ARMH1: variants seen among roughly 807,000 people sequenced by gnomAD.
The protein encoded by ARMH1 is armadillo like helical domain containing 1.
In ARMH1, 34 loss-of-function variants were observed where a neutral mutation model predicts 50.2. The ratio of observed to expected loss-of-function variants is 0.68; its 90% CI spans 0.51 to 0.90. ARMH1 has a LOEUF of 0.90. ARMH1 is among the 40% of genes least tolerant of loss of function. ARMH1 has a pLI of 0.00. For missense variants in ARMH1, 538 were observed against 553.9 expected (o/e 0.97, Z 0.29); for synonymous variants, 221 against 224.2 (o/e 0.99, Z 0.13).
chr1:44,696,454 G>A (rs1470657711), intron 2 of ARMH1, among the ~76,000 whole-genome samples: 10 of 152,198 alleles, frequency 6.6e-5, no homozygotes, highest in Non-Finnish European at 2.9e-5. Flanking sequence ...CTTTTCTGTT[G>A]TGGCTTGATT....
At chr1:44,690,075 A>G (rs1645609920) in intron 2 of ARMH1, among the ~76,000 whole-genome samples, 172 bp downstream of exon 2, 1 of 152,100 alleles carries the variant, frequency 6.6e-6, no homozygotes, top group African/African-American at 2.4e-5. Context: ...AAAATTAGCC[A>G]GGCGTGGTGG....
At position 44,704,186 on chromosome 1, in the gene ARMH1, C is replaced by G. The variant is rs1433793132; in HGVS notation, c.724+13C>G. ...GTCCAGTATGAAGGTAGGGAGCCTCCAGATTGCAGAAGGGGGCACCGAGAG... is the reference window on the plus strand; with the variant it reads ...GTCCAGTATGAAGGTAGGGAGCCTCGAGATTGCAGAAGGGGGCACCGAGAG... On this transcript the variant is annotated intron_variant, in intron 6 of 11. Transcript: ENST00000535358. 1.2e-5 allele frequency: 19 copies of G among 1,546,554 alleles called. No individual in the cohort carries two copies. In the East Asian group the frequency reaches 4.6e-4, roughly 38 times the overall value.
intron 1 of ARMH1, among the ~76,000 whole-genome samples, chr1:44,685,589 G>T (rs1645442853): frequency 6.6e-6 from 1 of 151,718 alleles, no homozygotes; most frequent in African/African-American, 2.4e-5. Flanking sequence ...GGGATTATAG[G>T]CATGAGCCAC....
At chr1:44,696,158 G>A (rs1429730344) in intron 2 of ARMH1, among the ~76,000 whole-genome samples, 2 of 152,214 alleles carry the variant, frequency 1.3e-5, no homozygotes, top group Non-Finnish European at 1.5e-5. Flanking sequence ...AGGCAGGGGA[G>A]CCTGGCTCCA....
intron 6 of ARMH1, among the ~76,000 whole-genome samples, chr1:44,715,869 G>A (rs145677224): frequency 1.3e-5 from 2 of 152,302 alleles, no homozygotes; most frequent in East Asian, 3.9e-4. Flanking sequence ...AGCCACATCT[G>A]TTTCATTTAC....
intron 4 of ARMH1, among the ~76,000 whole-genome samples, chr1:44,699,763 T>C (rs1417384207): frequency 2.0e-5 from 3 of 151,934 alleles, no homozygotes; most frequent in Non-Finnish European, 2.9e-5. Context: ...AATTTTAATA[T>C]AGTCCATGAA....
At chr1:44,684,723 C>T (rs1557515948) in intron 1 of ARMH1, 1 of 152,176 alleles carries the variant, frequency 6.6e-6, no homozygotes, top group Non-Finnish European at 1.5e-5. Context: ...CACTCCAGAC[C>T]CTCAACCGCC....
chr1:44,687,080 T>C (rs974381811), intron 1 of ARMH1, among the ~76,000 whole-genome samples: 5 of 152,158 alleles, frequency 3.3e-5, no homozygotes, highest in Admixed American at 6.5e-5. Context: ...CATAACAAAG[T>C]GTTATAGACT....
chr1:44,675,961 A>G (rs1286405730), intron 1 of ARMH1, among the ~76,000 whole-genome samples: 1 of 151,994 alleles, frequency 6.6e-6, no homozygotes, highest in Non-Finnish European at 1.5e-5. Context: ...CTCTGTCTCA[A>G]AAAAAAAGAA....
At chr1:44,712,535 C>CA (rs35480137) in intron 6 of ARMH1, among the ~76,000 whole-genome samples, 3,279 of 63,592 alleles carry the variant, frequency 0.052, 89 homozygotes, top group East Asian at 0.072. Context: ...CAGGGAACCG[C>CA]AAAAAAAAAA....
intron 1 of ARMH1, among the ~76,000 whole-genome samples, chr1:44,677,398 G>A (rs1320392271): frequency 3.3e-5 from 5 of 152,194 alleles, no homozygotes; most frequent in Admixed American, 3.3e-4. Flanking sequence ...GGATACAATG[G>A]AAGGACAAAG....
intron 2 of ARMH1, among the ~76,000 whole-genome samples, chr1:44,694,530 G>C (rs1645763034): frequency 8.8e-6 from 1 of 114,234 alleles, no homozygotes; most frequent in Non-Finnish European, 1.7e-5. Context: ...TTTTTTTTGA[G>C]ACAGAGTCTC....
At chr1:44,687,631 A>G (rs1295183482) in intron 1 of ARMH1, among the ~76,000 whole-genome samples, 1 of 152,104 alleles carries the variant, frequency 6.6e-6, no homozygotes, top group Non-Finnish European at 1.5e-5. Flanking sequence ...TCCAGATCTC[A>G]TGTTCTTCCA....
At chr1:44,711,357 T>C (rs1338758740) in intron 6 of ARMH1, among the ~76,000 whole-genome samples, 1 of 152,212 alleles carries the variant, frequency 6.6e-6, no homozygotes, top group Non-Finnish European at 1.5e-5. Context: ...TCACCAAACT[T>C]GTTATTCTGG....
intron 6 of ARMH1, among the ~76,000 whole-genome samples, chr1:44,709,504 C>A (rs367853478): frequency 6.6e-6 from 1 of 152,112 alleles, no homozygotes; most frequent in East Asian, 1.9e-4. Flanking sequence ...AACCCCATCT[C>A]TACTAAAAAT....
intron 4 of ARMH1, among the ~76,000 whole-genome samples, chr1:44,699,078 C>A (rs529806601): frequency 6.6e-6 from 1 of 151,960 alleles, no homozygotes; most frequent in East Asian, 2.0e-4. Context: ...GTCAGGAGAT[C>A]AAGACCATCC....
chr1:44,707,474 GGCTGGAGC>G (rs2148697196), intron 6 of ARMH1, among the ~76,000 whole-genome samples: 4 of 152,308 alleles, frequency 2.6e-5, no homozygotes, highest in African/African-American at 9.6e-5. Context: ...CTGTTGCCCA[GGCTGGAGC>G]ACCGTAGCAC....
chr1:44,694,966 C>T (rs935089329), intron 2 of ARMH1, among the ~76,000 whole-genome samples: 3 of 152,148 alleles, frequency 2.0e-5, no homozygotes, highest in Admixed American at 2.0e-4. Flanking sequence ...AATTTACTAG[C>T]ACATGGTAGA....
At chr1:44,694,626 C>T (rs999227258) in intron 2 of ARMH1, among the ~76,000 whole-genome samples, 1 of 151,408 alleles carries the variant, frequency 6.6e-6, no homozygotes, top group Admixed American at 6.6e-5. Context: ...TCTCCTGCCT[C>T]AGCCTCCCGA....
Sources: allele counts gnomAD v4.1 joint callset (sites outside exome capture counted in the v4.1 genomes callset), GRCh38; gene constraint gnomAD v4.1.1; transcripts MANE v1.5; gene names NCBI Gene and HGNC (gene_info 2026-07-23, HGNC 2026-07-21).